Variants in DIP2B observed in about 807,000 individuals in gnomAD.
DIP2B encodes DIP2 acetate--CoA ligase B (putative), also known as disco-interacting protein 2 homolog B.
DIP2B carries 76 observed loss-of-function variants against 198.0 expected under a neutral mutation model. The ratio of observed to expected loss-of-function variants is 0.38; its 90% CI spans 0.32 to 0.46. The LOEUF (loss-of-function observed/expected upper bound fraction) is 0.46, where lower values mean the gene tolerates loss of function less well. Among genes scored for constraint, DIP2B ranks in the 20% least tolerant of loss-of-function variants. The probability of loss-of-function intolerance (pLI) is 0.99; values close to 1 mark genes in which losing one functional copy is unlikely to be tolerated. For synonymous variants in DIP2B, 701 were observed against 739.1 expected (o/e 0.95, Z 0.84); for missense variants, 1,559 against 1,978.4 (o/e 0.79, Z 4.02).
Position 50,552,360 on chromosome 12 carries a change from G to C in DIP2B, c.100+47120G>C, listed in dbSNP as rs986105984. Among the ~76,000 whole-genome samples, 8 of 150,318 alleles carry C rather than the reference G, an allele frequency of 5.3e-5. No individual in the cohort carries two copies. The South Asian group carries it at 6.4e-4, about 12-fold the overall frequency. On this transcript the variant is annotated intron_variant, in intron 1 of 37. Transcript: ENST00000301180. ...TCTGCTCACTGCAAGCTCCCCTCCC[G>C]GGTTCATGCCATTCTCCTGCCTCAG...
chr12:50,742,313 C>G (rs1268143912), intron 37 of DIP2B, among the ~76,000 whole-genome samples: 2 of 141,230 alleles, frequency 1.4e-5, no homozygotes, highest in African/African-American at 5.3e-5. Context: ...GGGAGGATCA[C>G]TTGAGCCTGG....
intron 1 of DIP2B, among the ~76,000 whole-genome samples, chr12:50,534,306 A>G (rs1372733065): frequency 3.9e-5 from 6 of 152,024 alleles, no homozygotes; most frequent in Non-Finnish European, 7.4e-5. Flanking sequence ...ATGTGTGTCT[A>G]AAAAAACACT....
rs199987304 is a variant in DIP2B, at chr12:50,674,628, T to C, written c.795T>C (p.Asp265=). 4.2e-5 allele frequency: 67 copies of C among 1,613,864 alleles called. No homozygotes were observed. The highest frequency in any genetic ancestry group is 1.8e-4 in the East Asian group (8 of 44,888). ...GGTCCAGCCTTATGGATACAGCTGATGGTAAGGAGTTGTTTTTGGTAGCTC... is the reference window on the plus strand; with the variant it reads ...GGTCCAGCCTTATGGATACAGCTGACGGTAAGGAGTTGTTTTTGGTAGCTC... ...SNRSSLMDTA[D]GVPVSSRVST... The change falls in exon 6 of 38, where the codon GAT becomes GAC. Residue 265 remains aspartate, a splice_region_variant and synonymous_variant. Coordinates refer to ENST00000301180, the MANE Select transcript of DIP2B (RefSeq NM_173602.3).
chr12:50,730,941 C>G (rs868119209), intron 30 of DIP2B, among the ~76,000 whole-genome samples: 1 of 152,204 alleles, frequency 6.6e-6, no homozygotes, highest in African/African-American at 2.4e-5. Flanking sequence ...TGATTCACAT[C>G]TCATATTCAG....
chr12:50,556,616 C>T (rs1343846502), intron 1 of DIP2B, among the ~76,000 whole-genome samples: 1 of 149,976 alleles, frequency 6.7e-6, no homozygotes, highest in Non-Finnish European at 1.5e-5. Context: ...TGCAGTGGCT[C>T]ACTGCAATCT....
At chr12:50,622,593 C>T (rs1485981532) in intron 1 of DIP2B, among the ~76,000 whole-genome samples, 1 of 152,182 alleles carries the variant, frequency 6.6e-6, no homozygotes, top group Non-Finnish European at 1.5e-5. Context: ...AAAAATTTTA[C>T]ATGTGTGCAA....
In DIP2B at chr12:50,644,362, T is replaced by C. The variant is rs559594960; in HGVS notation, c.301+3510T>C. 1.1e-4 allele frequency among the ~76,000 whole-genome samples: 16 copies of C among 152,346 alleles called. No homozygotes were observed. In the South Asian group the frequency reaches 1.5e-3, roughly 14 times the overall value. ...TTCTGACTCCCTTGATGTTAATCTC[T>C]TGAGAAGTTAGGTACCTCAAACAAA... On this transcript the variant is annotated intron_variant, in intron 3 of 37. Coordinates refer to ENST00000301180, the MANE Select transcript of DIP2B (RefSeq NM_173602.3).
intron 1 of DIP2B, among the ~76,000 whole-genome samples, chr12:50,513,505 C>T (rs149949235): frequency 2.9e-4 from 44 of 152,314 alleles, no homozygotes; most frequent in African/African-American, 9.9e-4. Flanking sequence ...CCTTCAGAAA[C>T]GATGGTTTTT....
chr12:50,702,741 A>AT (rs1438164913), intron 19 of DIP2B, among the ~76,000 whole-genome samples: 2 of 149,352 alleles, frequency 1.3e-5, no homozygotes, highest in East Asian at 3.9e-4. Flanking sequence ...TCTTAAAAAA[A>AT]AAAAAAAAAA....
chr12:50,590,748 A>G (rs1958812059), intron 1 of DIP2B, among the ~76,000 whole-genome samples: 1 of 152,212 alleles, frequency 6.6e-6, no homozygotes, highest in African/African-American at 2.4e-5. Flanking sequence ...CATGTTTAAA[A>G]ACAAACAAGA....
At chr12:50,659,500 A>G (rs1204891968) in intron 3 of DIP2B, among the ~76,000 whole-genome samples, 2 of 151,936 alleles carry the variant, frequency 1.3e-5, no homozygotes, top group African/African-American at 2.4e-5. Flanking sequence ...AGCGGGATAC[A>G]AAATACTGTG....
intron 1 of DIP2B, among the ~76,000 whole-genome samples, chr12:50,603,946 GGTTC>G (rs1223383524): frequency 5.3e-5 from 8 of 152,084 alleles, no homozygotes; most frequent in Non-Finnish European, 8.8e-5. Context: ...GCCATGGCCT[GGTTC>G]CAGGCCTTGG....
At chr12:50,711,656 G>A (rs1219585186) in intron 22 of DIP2B, among the ~76,000 whole-genome samples, 2 of 152,158 alleles carry the variant, frequency 1.3e-5, no homozygotes, top group East Asian at 1.9e-4. Flanking sequence ...CCACCTCCCG[G>A]TTTCAAGCAA....
At position 50,653,737 on chromosome 12, in the gene DIP2B, T is replaced by C. The variant is rs781369373; in HGVS notation, c.302-6457T>C. Among the ~76,000 whole-genome samples the C allele has an allele frequency of 5.9e-5, 9 of 152,316 alleles. No individual in the cohort carries two copies. In the South Asian group the frequency reaches 8.3e-4, roughly 14 times the overall value. ...TAGTTATTTGAATCTTCTTTTTTTT[T>C]CTCAAGAAAGCTAAGGATTTGTCAA... is the stretch of plus-strand genomic sequence containing the variant. On this transcript the variant is annotated intron_variant, in intron 3 of 37. Transcript: ENST00000301180.
intron 1 of DIP2B, among the ~76,000 whole-genome samples, chr12:50,561,674 C>T (rs1325543654): frequency 6.6e-6 from 1 of 150,750 alleles, no homozygotes; most frequent in Non-Finnish European, 1.5e-5. Flanking sequence ...GTGGCATGAT[C>T]TCTGCTTACT....
intron 1 of DIP2B, among the ~76,000 whole-genome samples, chr12:50,547,990 G>T (rs1387130903): frequency 6.6e-6 from 1 of 152,148 alleles, no homozygotes; most frequent in Non-Finnish European, 1.5e-5. Flanking sequence ...GATTGTTTGA[G>T]CCTAGTAGTC....
At chr12:50,634,205 A>G (rs1938116458) in intron 2 of DIP2B, among the ~76,000 whole-genome samples, 1 of 152,140 alleles carries the variant, frequency 6.6e-6, no homozygotes. Context: ...GTGGCCAGGA[A>G]ATTGACTCTT....
intron 1 of DIP2B, among the ~76,000 whole-genome samples, chr12:50,553,024 C>T (rs992826059): frequency 2.2e-4 from 34 of 152,056 alleles, no homozygotes; most frequent in African/African-American, 8.0e-4. Flanking sequence ...TTATTAGAGA[C>T]GGGGTTTTGG....
chr12:50,576,479 C>G (rs1293846929), intron 1 of DIP2B, among the ~76,000 whole-genome samples: 1 of 150,978 alleles, frequency 6.6e-6, no homozygotes, highest in Non-Finnish European at 1.5e-5. Context: ...GACCGCCCCC[C>G]ACCTTTTTTT....
Sources: gnomAD v4.1 joint callset for allele counts (sites outside exome capture counted in the v4.1 genomes callset) on GRCh38, gnomAD v4.1.1 for gene constraint, MANE v1.5 for transcripts, NCBI Gene and HGNC (gene_info 2026-07-23, HGNC 2026-07-21) for gene names.